EDIL3: variants seen among roughly 807,000 people sequenced by gnomAD.
EDIL3 encodes EGF like and discoidin domains 3.
In EDIL3, 37 loss-of-function variants were observed where a neutral mutation model predicts 67.4. The ratio of observed to expected loss-of-function variants is 0.55; its 90% CI spans 0.42 to 0.72. EDIL3 has a LOEUF of 0.72. Among genes scored for constraint, EDIL3 ranks in the 30% least tolerant of loss-of-function variants. The pLI, the probability that EDIL3 is intolerant of heterozygous loss-of-function variation, is 0.00. For synonymous variants in EDIL3, 195 were observed against 196.3 expected, an observed-to-expected ratio of 0.99 and a Z score of 0.05; for missense variants, 527 against 586.3, an observed-to-expected ratio of 0.90 and a Z score of 1.04.
chr5:84,073,686 T>G (rs3958738), intron 6 of EDIL3, among the ~76,000 whole-genome samples: 94 of 150,380 alleles, frequency 6.3e-4, no homozygotes, highest in South Asian at 1.9e-3. Context: ...CACTGCTCAA[T>G]GAAATAAAAG....
chr5:84,142,771 C>T (rs1184052854), intron 4 of EDIL3, among the ~76,000 whole-genome samples: 5 of 151,516 alleles, frequency 3.3e-5, no homozygotes, highest in Non-Finnish European at 7.4e-5. Context: ...GGTTCTTGGG[C>T]TGAACATACT....
At chr5:84,320,084 G>T (rs1248464958) in intron 1 of EDIL3, among the ~76,000 whole-genome samples, 5 of 151,972 alleles carry the variant, frequency 3.3e-5, no homozygotes, top group African/African-American at 4.8e-5. Flanking sequence ...AAACCAACAT[G>T]GCACATGTAT....
intron 6 of EDIL3, among the ~76,000 whole-genome samples, chr5:84,076,793 G>C (rs764857265): frequency 6.6e-6 from 1 of 152,074 alleles, no homozygotes; most frequent in Non-Finnish European, 1.5e-5. Context: ...GACAATATCT[G>C]CCTGATACCC....
At chr5:84,031,927 G>A (rs113743268) in intron 9 of EDIL3, among the ~76,000 whole-genome samples, 72 of 152,266 alleles carry the variant, frequency 4.7e-4, no homozygotes, top group African/African-American at 1.7e-3. Flanking sequence ...GGCTCCATGA[G>A]CCATAATGAA....
intron 5 of EDIL3, among the ~76,000 whole-genome samples, chr5:84,124,072 C>A (rs972776073): frequency 3.3e-5 from 5 of 151,942 alleles, no homozygotes; most frequent in Non-Finnish European, 7.4e-5. Flanking sequence ...TCAGAGACAT[C>A]TTAGCCACTC....
rs115993753 is a variant in EDIL3 at position 84,364,066 on chromosome 5, T to C, written c.67+20242A>G. The stretch of plus-strand genomic sequence containing the variant: ...ATATACAAACACAACCAAGGGAAGA[T>C]TATAGAAGAAGTGAAATTGTCACTA... On this transcript the variant is annotated intron_variant, in intron 1 of 10. Coordinates refer to ENST00000296591, the MANE Select transcript of EDIL3 (RefSeq NM_005711.5). Among the ~76,000 whole-genome samples, 1,066 of 152,236 alleles carry C rather than the reference T, an allele frequency of 7.0e-3. 21 individuals carry two copies. The highest frequency in any genetic ancestry group is 0.025 in the African/African-American group (1,022 of 41,534).
intron 1 of EDIL3, among the ~76,000 whole-genome samples, chr5:84,336,721 T>C (rs1473760348): frequency 6.6e-6 from 1 of 152,116 alleles, no homozygotes; most frequent in Non-Finnish European, 1.5e-5. Context: ...TCTACAGTAA[T>C]AATTGAGAGA....
intron 9 of EDIL3, among the ~76,000 whole-genome samples, chr5:84,022,067 G>A (rs961030930): frequency 1.3e-4 from 19 of 151,812 alleles, no homozygotes; most frequent in African/African-American, 4.6e-4. Flanking sequence ...ATTCTATGAG[G>A]CCAGTATTAT....
intron 9 of EDIL3, among the ~76,000 whole-genome samples, chr5:83,963,694 T>C (rs1365682530): frequency 6.7e-6 from 1 of 149,546 alleles, no homozygotes; most frequent in Non-Finnish European, 1.5e-5. Flanking sequence ...AGAACAGATG[T>C]GGTTGGGGTG....
chr5:84,094,617 T>G (rs1747229480), intron 6 of EDIL3, among the ~76,000 whole-genome samples: 1 of 152,208 alleles, frequency 6.6e-6, no homozygotes, highest in Admixed American at 6.5e-5. Context: ...TTATACACAT[T>G]ACATACAGAC....
At chr5:83,944,084 T>G (rs1383345496) in intron 10 of EDIL3, among the ~76,000 whole-genome samples, 1 of 151,994 alleles carries the variant, frequency 6.6e-6, no homozygotes, top group African/African-American at 2.4e-5. Flanking sequence ...TGTTTCACCT[T>G]ACCTAATTAT....
rs181296083 is a variant in EDIL3 at position 84,051,293 on chromosome 5, C to T, written c.1137+9007G>A. On this transcript the variant is annotated intron_variant, in intron 9 of 10. Coordinates refer to ENST00000296591, the MANE Select transcript of EDIL3 (RefSeq NM_005711.5). ...AAAACTAACAAACAGAAAGGACATC[C>T]ACACCAAAACCCCATATGTCACCAT... Among the ~76,000 whole-genome samples, 184 of 152,242 alleles carry T rather than the reference C, an allele frequency of 1.2e-3. 1 individual carries two copies. Among genetic ancestry groups the T allele is most frequent in the African/African-American group, 4.2e-3 (176 of 41,542 alleles).
chr5:84,011,344 C>T (rs1353388181), intron 9 of EDIL3, among the ~76,000 whole-genome samples: 2 of 152,094 alleles, frequency 1.3e-5, no homozygotes, highest in Non-Finnish European at 2.9e-5. Flanking sequence ...CATGTAAGTC[C>T]ATCTTTAAAA....
intron 3 of EDIL3, among the ~76,000 whole-genome samples, chr5:84,209,239 A>C (rs376578196): frequency 6.8e-6 from 1 of 147,988 alleles, no homozygotes; most frequent in Non-Finnish European, 1.5e-5. Context: ...GTGGGGGGAG[A>C]GGGGAGGGAT....
intron 9 of EDIL3, among the ~76,000 whole-genome samples, chr5:84,021,366 T>C (rs1243017936): frequency 2.0e-5 from 3 of 152,006 alleles, no homozygotes; most frequent in African/African-American, 7.2e-5. Flanking sequence ...TGATATATAC[T>C]TCCTTCTTAG....
At chr5:84,153,276 G>C (rs992702347) in intron 4 of EDIL3, among the ~76,000 whole-genome samples, 1 of 151,986 alleles carries the variant, frequency 6.6e-6, no homozygotes, top group Admixed American at 6.6e-5. Flanking sequence ...TGGCTTTAAA[G>C]TCCTATTGTT....
chr5:84,082,298 A>T (rs1320899075), intron 6 of EDIL3, among the ~76,000 whole-genome samples: 4 of 152,352 alleles, frequency 2.6e-5, no homozygotes, highest in African/African-American at 9.6e-5. Context: ...GACAAAAACA[A>T]ATATCACAAA....
intron 3 of EDIL3, among the ~76,000 whole-genome samples, chr5:84,226,260 G>C (rs1402789148): frequency 6.6e-6 from 1 of 151,524 alleles, no homozygotes; most frequent in Non-Finnish European, 1.5e-5. Context: ...TCTCAGCTTG[G>C]AAAATACCAT....
At chr5:84,162,703 C>A (rs943561469) in intron 4 of EDIL3, among the ~76,000 whole-genome samples, 3 of 152,090 alleles carry the variant, frequency 2.0e-5, no homozygotes, top group African/African-American at 7.2e-5. Flanking sequence ...GATAACAGAG[C>A]TTCTTGGTTT....
Sources: allele counts gnomAD v4.1 joint callset (sites outside exome capture counted in the v4.1 genomes callset), GRCh38; gene constraint gnomAD v4.1.1; transcripts MANE v1.5; gene names NCBI Gene and HGNC (gene_info 2026-07-23, HGNC 2026-07-21).